ATP2B2: variants seen among roughly 807,000 people sequenced by gnomAD.
ATP2B2 encodes the protein plasma membrane calcium-transporting ATPase 2.
A neutral mutation model predicts 120.0 loss-of-function variants in ATP2B2; 15 were observed. That is an observed-to-expected ratio of 0.12 (90% CI 0.08 to 0.19). The LOEUF (loss-of-function observed/expected upper bound fraction) is 0.19. ATP2B2 is among the 10% of genes least tolerant of loss of function. The pLI is 1.00. For missense variants in ATP2B2, 1,045 were observed against 1,719.8 expected, an observed-to-expected ratio of 0.61 and a Z score of 6.94; for synonymous variants, 694 against 700.3, an observed-to-expected ratio of 0.99 and a Z score of 0.14.
At chr3:10,442,591 A>T (rs1216723827) in intron 2 of ATP2B2, among the ~76,000 whole-genome samples, 2 of 152,180 alleles carry the variant, frequency 1.3e-5, no homozygotes, top group East Asian at 3.8e-4. Flanking sequence ...TGTGCTTTTG[A>T]AGGATTTTTT....
intron 12 of ATP2B2, among the ~76,000 whole-genome samples, chr3:10,370,482 G>C (rs1031639147): frequency 6.6e-6 from 1 of 152,214 alleles, no homozygotes; most frequent in African/African-American, 2.4e-5. Context: ...TCACCGCCAG[G>C]GTTCTCTATC....
intron 1 of ATP2B2, among the ~76,000 whole-genome samples, chr3:10,688,630 A>G (rs2071582965): frequency 6.6e-6 from 1 of 152,184 alleles, no homozygotes; most frequent in South Asian, 2.1e-4. Flanking sequence ...AGACAGGGAC[A>G]ACGTTAAGGT....
In ATP2B2 at chr3:10,346,392, C is replaced by T. The variant is rs548311853; in HGVS notation, c.2405-255G>A. Among the ~76,000 whole-genome samples the T allele has an allele frequency of 1.2e-4, 19 of 152,386 alleles. No individual in the cohort carries two copies. Among genetic ancestry groups the T allele is most frequent in the African/African-American group, 4.6e-4 (19 of 41,594 alleles). Reference sequence around the variant, plus strand: ...GCCCTGCTCACCTCTCCAGCCCCCTCTTTGCTGTCTGCAACCTGTGGCCAC... The same window carrying T: ...GCCCTGCTCACCTCTCCAGCCCCCTTTTTGCTGTCTGCAACCTGTGGCCAC... On this transcript the variant is annotated intron_variant, in intron 16 of 22. Coordinates refer to ENST00000360273, the MANE Select transcript of ATP2B2 (RefSeq NM_001001331.4). This position sits in a 1 kb window ranked among gnomAD's most constrained non-coding sequence, Gnocchi z 4.1.
chr3:10,399,698 T>C (rs963872661), intron 5 of ATP2B2, among the ~76,000 whole-genome samples: 3 of 152,354 alleles, frequency 2.0e-5, no homozygotes, highest in South Asian at 2.1e-4. Context: ...CCTACCATCC[T>C]GTCCTGCAGA....
Position 10,402,082 on chromosome 3 carries a change from G to C in ATP2B2, c.655+9C>G. The C allele has an allele frequency of 6.2e-7, 1 of 1,613,248 alleles. No homozygotes were observed. Among genetic ancestry groups the C allele is most frequent in the Non-Finnish European group, 8.5e-7 (1 of 1,180,010 alleles). On this transcript the variant is annotated intron_variant, in intron 4 of 22. Transcript: ENST00000360273. This position sits in a 1 kb window ranked among gnomAD's most constrained non-coding sequence, Gnocchi z 4.9. Reference sequence around the variant, plus strand: ...CTTTAGAACCTGGCTCTGTGGCTGGGACACTTACCATATTTGACCTGGGCT... The same window carrying C: ...CTTTAGAACCTGGCTCTGTGGCTGGCACACTTACCATATTTGACCTGGGCT...
chr3:10,690,823 G>C (rs2071646670), intron 1 of ATP2B2, among the ~76,000 whole-genome samples: 1 of 152,170 alleles, frequency 6.6e-6, no homozygotes, highest in African/African-American at 2.4e-5. Flanking sequence ...ATTCTCACCT[G>C]GTTATGAATT....
chr3:10,540,026 A>T (rs2067399252), intron 2 of ATP2B2, among the ~76,000 whole-genome samples: 2 of 152,254 alleles, frequency 1.3e-5, no homozygotes, highest in South Asian at 4.1e-4. Context: ...TTACAAGAAA[A>T]TATCAAACAA....
At chr3:10,515,044 T>G (rs1378554172) in intron 3 of ATP2B2, among the ~76,000 whole-genome samples, 1 of 152,206 alleles carries the variant, frequency 6.6e-6, no homozygotes. Flanking sequence ...AAACTGTAAG[T>G]AGATTCTCAG....
intron 1 of ATP2B2, among the ~76,000 whole-genome samples, chr3:10,493,899 GA>G (rs772332346): frequency 7.2e-5 from 11 of 152,178 alleles, no homozygotes; most frequent in Non-Finnish European, 1.3e-4. Flanking sequence ...CAGAGGTGGG[GA>G]AAAGGGTCAG....
Position 10,358,777 on chromosome 3 carries a change from C to G in ATP2B2, c.2050G>C (p.Glu684Gln). The G allele has an allele frequency of 6.2e-7, 1 of 1,614,230 alleles. No homozygotes were observed. The highest frequency in any genetic ancestry group is 8.5e-7 in the Non-Finnish European group (1 of 1,180,050). The change falls in exon 14 of 23, where the codon GAG (glutamate) becomes CAG (glutamine). Residue 684 changes from glutamate to glutamine, a missense_variant. Physicochemically the swap from Glu to Gln is conservative, Grantham distance 29. Coordinates refer to ENST00000360273, the MANE Select transcript of ATP2B2 (RefSeq NM_001001331.4). Reference protein sequence around the residue: ...VAYRDFPSSPEPDWDNENDIL... With the variant: ...VAYRDFPSSPQPDWDNENDIL... Reference sequence around the variant, plus strand: ...TCATTCTCATTGTCCCAGTCCGGCTCCGGGCTGCTGGGGAAGTCGCGGTAG... The same window carrying G: ...TCATTCTCATTGTCCCAGTCCGGCTGCGGGCTGCTGGGGAAGTCGCGGTAG...
chr3:10,416,925 G>A (rs1399387423), intron 2 of ATP2B2, among the ~76,000 whole-genome samples: 1 of 151,994 alleles, frequency 6.6e-6, no homozygotes, highest in South Asian at 2.1e-4. Context: ...GCCGGGCAGA[G>A]GCACTTCTCA....
intron 1 of ATP2B2, among the ~76,000 whole-genome samples, chr3:10,504,912 C>G (rs1284020628): frequency 6.6e-6 from 1 of 152,168 alleles, no homozygotes; most frequent in Non-Finnish European, 1.5e-5. Flanking sequence ...CATGACCCGG[C>G]TGGCCTGACC....
At position 10,401,094 on chromosome 3, in the gene ATP2B2, GC is replaced by G. The variant is rs759887802; in HGVS notation, c.656-17del. ...AGGAGGTCACCTGGCAAGAGGAAGG[GC>G]AGGGGAGTCAGCAGGCTCTCAGGTG... is the stretch of plus-strand genomic sequence containing the variant. On this transcript the variant is annotated splice_polypyrimidine_tract_variant and intron_variant, in intron 4 of 22. Coordinates refer to ENST00000360273, the MANE Select transcript of ATP2B2 (RefSeq NM_001001331.4). 10 of 1,613,520 alleles carry G rather than the reference GC, an allele frequency of 6.2e-6. No individual in the cohort carries two copies. The Admixed American group carries it at 1.7e-4, about 27-fold the overall frequency.
rs1312686313 is a variant in ATP2B2, at chr3:10,350,100, C to T, written c.2404+12G>A. The T allele has an allele frequency of 1.9e-6, 3 of 1,613,920 alleles. No individual in the cohort carries two copies. Among genetic ancestry groups the T allele is most frequent in the East Asian group, 2.2e-5 (1 of 44,874 alleles). ...TGGGCTTCAGGATTGCCCGTGCCCG[C>T]CCAAGTCTTACCTTTAACCAGGGTA... is the stretch of plus-strand genomic sequence containing the variant. On this transcript the variant is annotated intron_variant, in intron 16 of 22. Transcript: ENST00000360273.
chr3:10,525,836 G>T (rs2067079986), intron 3 of ATP2B2, among the ~76,000 whole-genome samples: 1 of 151,360 alleles, frequency 6.6e-6, no homozygotes, highest in African/African-American at 2.4e-5. Context: ...AAAAAAAAAA[G>T]GTTCTCCAAT....
At chr3:10,425,773 C>T (rs1283666973) in intron 2 of ATP2B2, among the ~76,000 whole-genome samples, 1 of 152,186 alleles carries the variant, frequency 6.6e-6, no homozygotes, top group Admixed American at 6.5e-5. Context: ...TCCAGGCCAC[C>T]ATCCTTGCTC....
In ATP2B2 at chr3:10,375,720, T is replaced by G; in HGVS notation, c.1202-76A>C. On this transcript the variant is annotated intron_variant, in intron 10 of 22. Coordinates refer to ENST00000360273, the MANE Select transcript of ATP2B2 (RefSeq NM_001001331.4). The surrounding 1 kb of genome is among the most constrained non-coding windows in gnomAD (Gnocchi z 4.2). ...GGGTGGTGTGGACCAAATCTTTGGC[T>G]GAAAGAGCTCCGGGTCAGGCTGACC... is the stretch of plus-strand genomic sequence containing the variant. 1 of 1,375,542 alleles carries G rather than the reference T, an allele frequency of 7.3e-7. No individual in the cohort carries two copies. Among genetic ancestry groups the G allele is most frequent in the Non-Finnish European group, 1.0e-6 (1 of 978,700 alleles). The allele number at this position is 1,375,542 out of a possible 1,614,324, so 85.2% of individuals were successfully genotyped here. A position where few individuals can be genotyped will look rare whatever the true frequency, so the allele number is the denominator to read the frequency against.
intron 5 of ATP2B2, among the ~76,000 whole-genome samples, chr3:10,397,425 T>C (rs2062074217): frequency 6.6e-6 from 1 of 152,172 alleles, no homozygotes; most frequent in Non-Finnish European, 1.5e-5. Flanking sequence ...GTTTGTGCAG[T>C]GCAAAACTCA....
chr3:10,380,648 C>G (rs1370004246), intron 8 of ATP2B2, among the ~76,000 whole-genome samples: 2 of 152,202 alleles, frequency 1.3e-5, no homozygotes, highest in African/African-American at 4.8e-5. Flanking sequence ...TCTCCAGAAG[C>G]TGCCGTCAGG....
Sources: allele counts gnomAD v4.1 joint callset (sites outside exome capture counted in the v4.1 genomes callset), GRCh38; gene constraint gnomAD v4.1.1; non-coding constraint Gnocchi (gnomAD v3.1); transcripts MANE v1.5; gene names NCBI Gene and HGNC (gene_info 2026-07-23, HGNC 2026-07-21).